The following CCT8L2 variants were observed in gnomAD, a reference collection of about 807,000 sequenced individuals.
CCT8L2 encodes the protein chaperonin containing TCP1 subunit 8 like 2.
CCT8L2 carries 29 observed loss-of-function variants against 31.5 expected under a neutral mutation model. That is an observed-to-expected ratio of 0.92 (90% confidence interval 0.68 to 1.25). CCT8L2 has a LOEUF of 1.25. Among genes scored for constraint, CCT8L2 ranks in the 50% most tolerant of loss-of-function variants. CCT8L2 has a pLI of 0.00. For missense variants in CCT8L2, 589 were observed against 695.7 expected (o/e 0.85, Z 1.73); for synonymous variants, 256 against 290.1 (o/e 0.88, Z 1.19).
At position 16,592,568 on chromosome 22, in the gene CCT8L2, G is replaced by A; in HGVS notation, c.-18C>T. ...CTGTCCATGGCCCGCAGAGAGAGGA[G>A]AGGCCACCGTGGGTTGCAGAGATGC... On this transcript the variant is annotated 5_prime_UTR_variant, in exon 1 of 1. Transcript: ENST00000359963. 1 of 1,570,098 alleles carries A rather than the reference G, an allele frequency of 6.4e-7. No individual in the cohort carries two copies. Among genetic ancestry groups the A allele is most frequent in the Non-Finnish European group, 8.6e-7 (1 of 1,158,590 alleles).
At position 16,591,916 on chromosome 22, in the gene CCT8L2, G is replaced by T. The variant is rs770788815; in HGVS notation, c.635C>A (p.Thr212Lys). ...RVGVCALPGGTLEDSCLLPGL... is the reference protein window; with the variant it reads ...RVGVCALPGGKLEDSCLLPGL... ...CGGGAGGAGGCAGGAATCCTCCAGT[G>T]TCCCCCCGGGCAGCGCGCACACCCC... The change falls in exon 1 of 1, where the codon ACA becomes AAA. Residue 212 changes from threonine to lysine, a missense_variant. Thr to Lys is a moderately conservative substitution (Grantham distance 78, BLOSUM62 -1). Transcript: ENST00000359963. 27 of 1,614,098 alleles carry T rather than the reference G, an allele frequency of 1.7e-5. 1 individual carries two copies. The East Asian group carries it at 6.0e-4, about 36-fold the overall frequency.
chr22:16,591,319 C>T lies in CCT8L2; in HGVS notation c.1232G>A (p.Gly411Glu), dbSNP rs1460504698. Residue 411 changes from glycine (G) to glutamate (E), a missense_variant, in exon 1 of 1, where the codon GGA becomes GAA. Coordinates refer to ENST00000359963, the MANE Select transcript of CCT8L2 (RefSeq NM_014406.5). Reference sequence around the variant, plus strand: ...CAAAGCCATTTCTGTGGCCCCAGCTCCTGGAATCAGTCTGGGATCTTGACA... The same window carrying T: ...CAAAGCCATTTCTGTGGCCCCAGCTTCTGGAATCAGTCTGGGATCTTGACA... ...QLCQDPRLIP[G>E]AGATEMALAK... The T allele has an allele frequency of 6.2e-7, 1 of 1,613,918 alleles. No homozygotes were observed. The highest frequency in any genetic ancestry group is 1.3e-5 in the African/African-American group (1 of 74,942).
chr22:16,591,750 T>C lies in CCT8L2; in HGVS notation c.801A>G (p.Leu267=). The change falls in exon 1 of 1, where the codon CTA becomes CTG. Residue 267 remains leucine, a synonymous_variant. Transcript: ENST00000359963. Reference sequence around the variant, plus strand: ...GATCGCTTCCTTTACTAAATTGAGCTAGATCAGCAGGACTAGAAAGACGGG... The same window carrying C: ...GATCGCTTCCTTTACTAAATTGAGCCAGATCAGCAGGACTAGAAAGACGGG... ...ATARLSSPAD[L]AQFSKGSDQL... 11 of 1,614,174 alleles carry C rather than the reference T, an allele frequency of 6.8e-6. No homozygotes were observed. The highest frequency in any genetic ancestry group is 9.3e-6 in the Non-Finnish European group (11 of 1,180,024).
At position 16,591,702 on chromosome 22, in the gene CCT8L2, G is replaced by A. The variant is rs778357051; in HGVS notation, c.849C>T (p.Gly283=). 2 of 1,614,170 alleles carry A rather than the reference G, an allele frequency of 1.2e-6. No individual in the cohort carries two copies. Among genetic ancestry groups the A allele is most frequent in the Middle Eastern group, 1.6e-4 (1 of 6,062 alleles). ...GSDQLLEKQV[G]QLAAAGINVA... Reference sequence around the variant, plus strand: ...CATTAATTCCTGCAGCTGCTAGCTGGCCTACTTGCTTTTCTAGTAATTGAT... The same window carrying A: ...CATTAATTCCTGCAGCTGCTAGCTGACCTACTTGCTTTTCTAGTAATTGAT... Residue 283 remains glycine (G), a synonymous_variant, in exon 1 of 1, where the codon GGC becomes GGT. Coordinates refer to ENST00000359963, the MANE Select transcript of CCT8L2 (RefSeq NM_014406.5).
In CCT8L2 at chr22:16,591,907, T is replaced by A; in HGVS notation, c.644A>T (p.Asp215Val). The A allele has an allele frequency of 6.2e-7, 1 of 1,614,084 alleles. No individual in the cohort carries two copies. The highest frequency in any genetic ancestry group is 2.2e-5 in the East Asian group (1 of 44,858). ...VCALPGGTLE[D>V]SCLLPGLAIS... ...TGCTAACCCCGGGAGGAGGCAGGAA[T>A]CCTCCAGTGTCCCCCCGGGCAGCGC... Residue 215 changes from aspartate to valine, a missense_variant, in exon 1 of 1, where the codon GAT (aspartate) becomes GTT (valine). Physicochemically the swap from Asp to Val is radical, Grantham distance 152 (BLOSUM62 -3). Transcript: ENST00000359963.
Position 16,591,498 on chromosome 22 carries a change from G to A in CCT8L2, c.1053C>T (p.Tyr351=). The A allele has an allele frequency of 1.2e-6, 2 of 1,614,176 alleles. No individual in the cohort carries two copies. The highest frequency in any genetic ancestry group is 1.7e-6 in the Non-Finnish European group (2 of 1,180,038). Residue 351 remains tyrosine, a synonymous_variant, in exon 1 of 1, where the codon TAC becomes TAT. Transcript: ENST00000359963. The part of the protein sequence containing the change: ...PQRPGKCQRV[Y]RQELGDGLAV... ...CCAAACCATCTCCCAGCTCCTGCCT[G>A]TAAACCCTCTGGCACTTGCCTGGCC...
rs1221765417 is a variant in CCT8L2 at position 16,591,625 on chromosome 22, T to C, written c.926A>G (p.Lys309Arg). ...VDEETLTLAD[K>R]YGIVVIQARS... Reference sequence around the variant, plus strand: ...AGCTTGAATCACCACGATGCCATACTTGTCCGCCAGTGTGAGGGTCTCCTC... The same window carrying C: ...AGCTTGAATCACCACGATGCCATACCTGTCCGCCAGTGTGAGGGTCTCCTC... The change falls in exon 1 of 1, where the codon AAG becomes AGG. Residue 309 changes from lysine to arginine, a missense_variant. Physicochemically the swap from Lys to Arg is conservative, Grantham distance 26. Transcript: ENST00000359963. 6.2e-7 allele frequency: 1 copy of C among 1,614,198 alleles called. No individual in the cohort carries two copies. Among genetic ancestry groups the C allele is most frequent in the Non-Finnish European group, 8.5e-7 (1 of 1,180,026 alleles).
chr22:16,591,678 A>C lies in CCT8L2; in HGVS notation c.873T>G (p.Asn291Lys), dbSNP rs753164296. 6.2e-7 allele frequency: 1 copy of C among 1,614,214 alleles called. No individual in the cohort carries two copies. Among genetic ancestry groups the C allele is most frequent in the South Asian group, 1.1e-5 (1 of 91,084 alleles). The change falls in exon 1 of 1, where the codon AAT becomes AAG. Residue 291 changes from asparagine (N) to lysine (K), a missense_variant. Transcript: ENST00000359963. ...QVGQLAAAGI[N>K]VAVVLGEVDE... ...CGACCTCCCCCAACACCACTGCCAC[A>C]TTAATTCCTGCAGCTGCTAGCTGGC...
In CCT8L2 at chr22:16,590,842, C is replaced by T. The variant is rs776331494; in HGVS notation, c.*35G>A. On this transcript the variant is annotated 3_prime_UTR_variant, in exon 1 of 1. Coordinates refer to ENST00000359963, the MANE Select transcript of CCT8L2 (RefSeq NM_014406.5). ...ACATTCATTTTTGGGGTGATTGTTC[C>T]CTTCTTGGCAATCCCTGTTTTATTG... 5.6e-6 allele frequency: 8 copies of T among 1,419,680 alleles called. No individual in the cohort carries two copies. The highest frequency in any genetic ancestry group is 7.7e-6 in the Non-Finnish European group (8 of 1,034,430). 87.9% of individuals were successfully genotyped at this position (1,419,680 alleles called of 1,614,324 possible). A position where few individuals can be genotyped will look rare whatever the true frequency, so the allele number is the denominator to read the frequency against.
At position 16,592,501 on chromosome 22, in the gene CCT8L2, A is replaced by G; in HGVS notation, c.50T>C (p.Leu17Pro). 6.2e-7 allele frequency: 1 copy of G among 1,614,012 alleles called. No individual in the cohort carries two copies. Among genetic ancestry groups the G allele is most frequent in the Non-Finnish European group, 8.5e-7 (1 of 1,180,016 alleles). Residue 17 changes from leucine to proline, a missense_variant, in exon 1 of 1, where the codon CTG (leucine) becomes CCG (proline). Coordinates refer to ENST00000359963, the MANE Select transcript of CCT8L2 (RefSeq NM_014406.5). ...SALELPQRLA[L>P]NPRESPRSPE... The stretch of plus-strand genomic sequence containing the variant: ...ACTCCTCGGGCTCTCCCTTGGGTTC[A>G]GTGCCAGCCGCTGGGGCAGCTCCAG...
chr22:16,591,029 C>G lies in CCT8L2; in HGVS notation c.1522G>C (p.Ala508Pro). Residue 508 changes from alanine (A) to proline (P), a missense_variant, in exon 1 of 1, where the codon GCT (alanine) becomes CCT (proline). By Grantham distance (27) the Ala-to-Pro change is conservative. Transcript: ENST00000359963. ...IVKAQGFRAVAEVVLQLVTVD... is the reference protein window; with the variant it reads ...IVKAQGFRAVPEVVLQLVTVD... ...GTCACGAGCTGTAGCACCACCTCAG[C>G]CACTGCTCGAAATCCTTGGGCTTTG... 1 of 1,614,002 alleles carries G rather than the reference C, an allele frequency of 6.2e-7. No homozygotes were observed. The highest frequency in any genetic ancestry group is 8.5e-7 in the Non-Finnish European group (1 of 1,179,868).
rs2059591272 is a variant in CCT8L2, at chr22:16,591,787, G to C, written c.764C>G (p.Ala255Gly). The C allele has an allele frequency of 1.9e-6, 3 of 1,614,080 alleles. No homozygotes were observed. Among genetic ancestry groups the C allele is most frequent in the South Asian group, 1.1e-5 (1 of 91,086 alleles). Residue 255 changes from alanine to glycine, a missense_variant, in exon 1 of 1, where the codon GCA (alanine) becomes GGA (glycine). Coordinates refer to ENST00000359963, the MANE Select transcript of CCT8L2 (RefSeq NM_014406.5). Reference protein sequence around the residue: ...ACPFGPAHPNAPATARLSSPA... With the variant: ...ACPFGPAHPNGPATARLSSPA... The stretch of plus-strand genomic sequence containing the variant: ...ACTAGAAAGACGGGCCGTTGCTGGT[G>C]CATTTGGATGGGCAGGACCAAAGGG...
At position 16,591,740 on chromosome 22, in the gene CCT8L2, T is replaced by G; in HGVS notation, c.811A>C (p.Ser271Arg). The G allele has an allele frequency of 6.2e-7, 1 of 1,614,166 alleles. No homozygotes were observed. Among genetic ancestry groups the G allele is most frequent in the Non-Finnish European group, 8.5e-7 (1 of 1,180,028 alleles). ...LSSPADLAQF[S>R]KGSDQLLEKQ... ...TCTAGTAATTGATCGCTTCCTTTACTAAATTGAGCTAGATCAGCAGGACTA... is the reference window on the plus strand; with the variant it reads ...TCTAGTAATTGATCGCTTCCTTTACGAAATTGAGCTAGATCAGCAGGACTA... Residue 271 changes from serine (S) to arginine (R), a missense_variant, in exon 1 of 1, where the codon AGT becomes CGT. By Grantham distance (110) the Ser-to-Arg change is moderately radical. Transcript: ENST00000359963.
chr22:16,591,554 G>T lies in CCT8L2; in HGVS notation c.997C>A (p.Pro333Thr). The T allele has an allele frequency of 6.2e-7, 1 of 1,614,206 alleles. No individual in the cohort carries two copies. The highest frequency in any genetic ancestry group is 8.5e-7 in the Non-Finnish European group (1 of 1,180,040). Residue 333 changes from proline (P) to threonine (T), a missense_variant, in exon 1 of 1, where the codon CCT (proline) becomes ACT (threonine). Coordinates refer to ENST00000359963, the MANE Select transcript of CCT8L2 (RefSeq NM_014406.5). ...IIYLSEVLDT[P>T]LLPRLLPPQR... ...GGAGGGAGCAGACGAGGCAGCAGAG[G>T]TGTGTCCAACACCTCACTCAGGTAA...
rs2059594631 is a variant in CCT8L2, at chr22:16,592,432, A to T, written c.119T>A (p.Val40Asp). ...CCGGATGACACTGGCCAGGGTCTGG[A>T]CTGCAGCCAAGCTGCTCAGCAGGTG... ...EPHLLSSLAA[V>D]QTLASVIRPC... Residue 40 changes from valine to aspartate, a missense_variant, in exon 1 of 1, where the codon GTC becomes GAC. Coordinates refer to ENST00000359963, the MANE Select transcript of CCT8L2 (RefSeq NM_014406.5). 6.2e-7 allele frequency: 1 copy of T among 1,614,122 alleles called. No homozygotes were observed. The highest frequency in any genetic ancestry group is 1.7e-5 in the Admixed American group (1 of 60,032).
chr22:16,591,165 G>A lies in CCT8L2; in HGVS notation c.1386C>T (p.Asp462=), dbSNP rs370876356. 92 of 1,613,886 alleles carry A rather than the reference G, an allele frequency of 5.7e-5. No individual in the cohort carries two copies. Among genetic ancestry groups the A allele is most frequent in the African/African-American group, 2.9e-4 (22 of 74,930 alleles). ...GCACTCCACTCATTTCTGCCATCAC[G>A]TCTGAGACAGCTAAGCCTGCATTCT... ...LAENAGLAVS[D]VMAEMSGVHQ... The change falls in exon 1 of 1, where the codon GAC becomes GAT. Residue 462 remains aspartate (D), a synonymous_variant. Coordinates refer to ENST00000359963, the MANE Select transcript of CCT8L2 (RefSeq NM_014406.5).
At position 16,591,541 on chromosome 22, in the gene CCT8L2, C is replaced by G; in HGVS notation, c.1010G>C (p.Arg337Pro). 2 of 1,614,186 alleles carry G rather than the reference C, an allele frequency of 1.2e-6. No individual in the cohort carries two copies. Among genetic ancestry groups the G allele is most frequent in the Non-Finnish European group, 1.7e-6 (2 of 1,180,038 alleles). Reference sequence around the variant, plus strand: ...GCCTGGCCTCTGGGGAGGGAGCAGACGAGGCAGCAGAGGTGTGTCCAACAC... The same window carrying G: ...GCCTGGCCTCTGGGGAGGGAGCAGAGGAGGCAGCAGAGGTGTGTCCAACAC... ...SEVLDTPLLP[R>P]LLPPQRPGKC... Residue 337 changes from arginine (R) to proline (P), a missense_variant, in exon 1 of 1, where the codon CGT becomes CCT. By Grantham distance (103) the Arg-to-Pro change is moderately radical (BLOSUM62 -2). Coordinates refer to ENST00000359963, the MANE Select transcript of CCT8L2 (RefSeq NM_014406.5).
Position 16,591,922 on chromosome 22 carries a change from C to G in CCT8L2, c.629G>C (p.Gly210Ala). ...PERVGVCALP[G>A]GTLEDSCLLP... ...GAGGCAGGAATCCTCCAGTGTCCCC[C>G]CGGGCAGCGCGCACACCCCAACACG... Residue 210 changes from glycine (G) to alanine (A), a missense_variant, in exon 1 of 1, where the codon GGG (glycine) becomes GCG (alanine). By Grantham distance (60) the Gly-to-Ala change is moderately conservative (BLOSUM62 0). Transcript: ENST00000359963. 1 of 1,614,104 alleles carries G rather than the reference C, an allele frequency of 6.2e-7. No homozygotes were observed. Among genetic ancestry groups the G allele is most frequent in the Non-Finnish European group, 8.5e-7 (1 of 1,179,984 alleles).
Position 16,591,754 on chromosome 22 carries a change from T to C in CCT8L2, c.797A>G (p.Asp266Gly). The C allele has an allele frequency of 2.5e-6, 4 of 1,614,212 alleles. No homozygotes were observed. In the Middle Eastern group the frequency reaches 6.6e-4, roughly 266 times the overall value. ...PATARLSSPA[D>G]LAQFSKGSDQ... is the part of the protein sequence containing the mutation. The stretch of plus-strand genomic sequence containing the variant: ...GCTTCCTTTACTAAATTGAGCTAGA[T>C]CAGCAGGACTAGAAAGACGGGCCGT... The change falls in exon 1 of 1, where the codon GAT becomes GGT. Residue 266 changes from aspartate (D) to glycine (G), a missense_variant. Asp to Gly is a moderately conservative substitution (Grantham distance 94). Coordinates refer to ENST00000359963, the MANE Select transcript of CCT8L2 (RefSeq NM_014406.5).
Sources: gnomAD v4.1 joint callset for allele counts on GRCh38, gnomAD v4.1.1 for gene constraint, MANE v1.5 for transcripts, NCBI Gene and HGNC (gene_info 2026-07-23, HGNC 2026-07-21) for gene names.